DLGAP1: variants seen among roughly 807,000 people sequenced by gnomAD.
DLGAP1 encodes disks large-associated protein 1.
DLGAP1 carries 11 observed loss-of-function variants against 90.8 expected under a neutral mutation model. The ratio of observed to expected loss-of-function variants is 0.12; its 90% CI spans 0.08 to 0.20. The LOEUF (loss-of-function observed/expected upper bound fraction) is 0.20, where lower values mean the gene tolerates loss of function less well. Among genes scored for constraint, DLGAP1 ranks in the 10% least tolerant of loss-of-function variants. The pLI, the probability that DLGAP1 is intolerant of heterozygous loss-of-function variation, is 1.00. For missense variants in DLGAP1, 1,050 were observed against 1,333.8 expected (o/e 0.79, Z 3.31); for synonymous variants, 558 against 540.7 (o/e 1.03, Z -0.44).
At chr18:3,846,104 G>T (rs1019674895) in intron 4 of DLGAP1, among the ~76,000 whole-genome samples, 1 of 149,902 alleles carries the variant, frequency 6.7e-6, no homozygotes, top group African/African-American at 2.5e-5. Flanking sequence ...TGGGGCAAAG[G>T]AACTGTTGCA....
intron 7 of DLGAP1, chr18:3,680,066 G>A (rs554583569): frequency 6.6e-6 from 1 of 152,158 alleles, no homozygotes; most frequent in Admixed American, 6.5e-5. Flanking sequence ...GAATAGCATG[G>A]CCATTCTTCA....
chr18:3,862,538 A>C (rs1177370964), intron 4 of DLGAP1, among the ~76,000 whole-genome samples: 1 of 151,946 alleles, frequency 6.6e-6, no homozygotes, highest in East Asian at 2.0e-4. Context: ...AACGCAGAGG[A>C]GCCGACAGGC....
chr18:3,534,646 AGAGGAT>A (rs2052225422), intron 9 of DLGAP1, 31 bp from the exon 10 acceptor site: 1 of 1,487,758 alleles, frequency 6.7e-7, no homozygotes, highest in Non-Finnish European at 9.0e-7. Context: ...AAATTTAGTT[AGAGGAT>A]ATTTCTTTCT....
intron 1 of DLGAP1, among the ~76,000 whole-genome samples, chr18:4,168,302 G>T (rs1463836558): frequency 6.6e-6 from 1 of 152,078 alleles, no homozygotes; most frequent in African/African-American, 2.4e-5. Context: ...TGTTCAACTG[G>T]TTTTTGACAA....
At chr18:4,300,795 G>C (rs1031523556) in intron 1 of DLGAP1, among the ~76,000 whole-genome samples, 1 of 152,130 alleles carries the variant, frequency 6.6e-6, no homozygotes, top group African/African-American at 2.4e-5. Context: ...GTAAGGATTT[G>C]TTATATACTC....
Position 3,729,505 on chromosome 18 carries a change from A to G in DLGAP1, c.1351-130T>C. ...GTTAGATTAAGCTCAAATGCATTTT[A>G]TTTCCTTTCTGTTACAGGCTATAAT... On this transcript the variant is annotated intron_variant, in intron 6 of 12. Transcript: ENST00000315677. This position sits in a 1 kb window ranked among gnomAD's most constrained non-coding sequence, Gnocchi z 6.2. The G allele has an allele frequency of 5.5e-6, 7 of 1,273,702 alleles. No individual in the cohort carries two copies. The highest frequency in any genetic ancestry group is 5.3e-6 in the Non-Finnish European group (5 of 934,924). The allele number at this position is 1,273,702 out of a possible 1,614,324, so 78.9% of individuals were successfully genotyped here.
chr18:3,698,325 G>A (rs2061164378), intron 7 of DLGAP1, among the ~76,000 whole-genome samples: 2 of 152,298 alleles, frequency 1.3e-5, no homozygotes, highest in South Asian at 4.1e-4. Context: ...GCTGGTACTG[G>A]TTTTTCCTTT....
intron 3 of DLGAP1, among the ~76,000 whole-genome samples, chr18:3,925,759 G>A (rs2072368612): frequency 6.6e-6 from 1 of 152,122 alleles, no homozygotes. Flanking sequence ...ACTACATTCA[G>A]GAAAGAACTC....
chr18:3,673,881 T>G (rs527988306), intron 7 of DLGAP1, among the ~76,000 whole-genome samples: 122 of 134,024 alleles, frequency 9.1e-4, no homozygotes, highest in African/African-American at 3.3e-3. Flanking sequence ...CTCACTCTGT[T>G]GCCCAGGCTG....
chr18:3,665,276 A>G (rs1405351772), intron 7 of DLGAP1, among the ~76,000 whole-genome samples: 4 of 150,682 alleles, frequency 2.7e-5, no homozygotes, highest in Non-Finnish European at 4.4e-5. Context: ...CCTCCCCCCA[A>G]CCCCTTCCTC....
In DLGAP1 at chr18:4,445,987, T is replaced by C. The variant is rs1376426953; in HGVS notation, c.-267+9019A>G. Among the ~76,000 whole-genome samples, 5 of 152,100 alleles carry C rather than the reference T, an allele frequency of 3.3e-5. No individual in the cohort carries two copies. The South Asian group carries it at 1.0e-3, about 32-fold the overall frequency. On this transcript the variant is annotated intron_variant, in intron 1 of 12. Coordinates refer to ENST00000315677, the MANE Select transcript of DLGAP1 (RefSeq NM_004746.4). The stretch of plus-strand genomic sequence containing the variant: ...GAAAGAAAACCCCTGAGGCTCCTTG[T>C]CCTAGTCTCTAGGAGCAGCCACTGT...
chr18:3,782,769 CT>C (rs1279756503), intron 5 of DLGAP1, among the ~76,000 whole-genome samples: 1 of 152,142 alleles, frequency 6.6e-6, no homozygotes, highest in African/African-American at 2.4e-5. Flanking sequence ...TGCCTTTGAC[CT>C]CAATTATTAT....
intron 1 of DLGAP1, among the ~76,000 whole-genome samples, chr18:4,330,780 C>T (rs1220332940): frequency 6.6e-6 from 1 of 151,724 alleles, no homozygotes; most frequent in African/African-American, 2.4e-5. Context: ...TCTTATGGCT[C>T]AGCATCTGGT....
intron 7 of DLGAP1, among the ~76,000 whole-genome samples, chr18:3,717,512 T>C (rs993930358): frequency 9.9e-5 from 15 of 152,224 alleles, no homozygotes; most frequent in African/African-American, 3.4e-4. Flanking sequence ...CACCCATTTC[T>C]AGAGGTTCTT....
chr18:3,897,988 G>A (rs557441347), intron 3 of DLGAP1, among the ~76,000 whole-genome samples: 11 of 151,616 alleles, frequency 7.3e-5, no homozygotes, highest in South Asian at 2.1e-4. Context: ...TAGAGACGGG[G>A]TTTCACCTTG....
intron 7 of DLGAP1, among the ~76,000 whole-genome samples, chr18:3,636,278 C>T (rs1265032330): frequency 2.0e-5 from 3 of 151,510 alleles, no homozygotes; most frequent in Non-Finnish European, 4.4e-5. Flanking sequence ...CTGTCTTTTA[C>T]ACCTTTCATT....
chr18:4,073,986 A>T (rs1369304322), intron 2 of DLGAP1, among the ~76,000 whole-genome samples: 1 of 152,200 alleles, frequency 6.6e-6, no homozygotes, highest in African/African-American at 2.4e-5. Flanking sequence ...ACATTGGAGA[A>T]CATTCTTCAT....
chr18:4,305,959 G>A (rs1836342334), intron 1 of DLGAP1, among the ~76,000 whole-genome samples: 1 of 150,914 alleles, frequency 6.6e-6, no homozygotes, highest in African/African-American at 2.4e-5. Context: ...GGAAGTTATC[G>A]AGTAGAATGC....
intron 3 of DLGAP1, among the ~76,000 whole-genome samples, chr18:3,949,024 T>C (rs556056010): frequency 7.9e-5 from 12 of 151,712 alleles, no homozygotes; most frequent in Non-Finnish European, 1.6e-4. Context: ...AAAAAAGGAA[T>C]ATGTTTCCCA....
Sources: gnomAD v4.1 joint callset for allele counts (sites outside exome capture counted in the v4.1 genomes callset) on GRCh38, gnomAD v4.1.1 for gene constraint, Gnocchi (gnomAD v3.1) non-coding constraint, MANE v1.5 for transcripts, NCBI Gene and HGNC (gene_info 2026-07-23, HGNC 2026-07-21) for gene names.